The following PDE6C variants were observed in gnomAD, a reference collection of about 807,000 sequenced individuals.
PDE6C encodes phosphodiesterase 6C.
Under a neutral mutation model 113.1 loss-of-function variants are expected in PDE6C, and 75 were observed. That is an observed-to-expected ratio of 0.66 (90% CI 0.55 to 0.80). The LOEUF (loss-of-function observed/expected upper bound fraction) is 0.80, where lower values mean the gene tolerates loss of function less well. PDE6C is among the 30% of genes least tolerant of loss of function. The probability of loss-of-function intolerance (pLI) is 0.00; values close to 1 mark genes in which losing one functional copy is unlikely to be tolerated. For synonymous variants in PDE6C, 375 were observed against 363.7 expected, an observed-to-expected ratio of 1.03 and a Z score of -0.35; for missense variants, 912 against 1,038.6, an observed-to-expected ratio of 0.88 and a Z score of 1.67.
At chr10:93,614,599 G>A (rs2058411262) in intron 1 of PDE6C, among the ~76,000 whole-genome samples, 1 of 152,158 alleles carries the variant, frequency 6.6e-6, no homozygotes, top group African/African-American at 2.4e-5. Flanking sequence ...GCCCATCCCT[G>A]CTAGCACATC....
intron 15 of PDE6C, among the ~76,000 whole-genome samples, chr10:93,653,949 T>C (rs1228877636): frequency 6.6e-6 from 1 of 152,334 alleles, no homozygotes; most frequent in East Asian, 1.9e-4. Context: ...AAAACTTGAG[T>C]TCTTGTCCAA....
intron 1 of PDE6C, among the ~76,000 whole-genome samples, chr10:93,614,417 G>A (rs1564794399): frequency 1.3e-5 from 2 of 152,168 alleles, no homozygotes; most frequent in African/African-American, 2.4e-5. Context: ...CCTCCTTTCA[G>A]TAAGTTTAAG....
chr10:93,637,650 C>T (rs1341132948), intron 11 of PDE6C, among the ~76,000 whole-genome samples: 1 of 152,068 alleles, frequency 6.6e-6, no homozygotes, highest in Non-Finnish European at 1.5e-5. Context: ...ACATTTAATT[C>T]TTTTGTTAAG....
chr10:93,636,647 T>C (rs1416284317), intron 10 of PDE6C, among the ~76,000 whole-genome samples: 2 of 152,168 alleles, frequency 1.3e-5, no homozygotes, highest in African/African-American at 4.8e-5. Flanking sequence ...TTGGGGGAAT[T>C]TTAAAAATCA....
chr10:93,664,288 C>T (rs1258539010), intron 21 of PDE6C, among the ~76,000 whole-genome samples: 4 of 152,080 alleles, frequency 2.6e-5, no homozygotes, highest in Admixed American at 6.6e-5. Context: ...AGAATGCTTA[C>T]GCTAACCACA....
chr10:93,631,794 G>C (rs1320427868), intron 8 of PDE6C, among the ~76,000 whole-genome samples: 2 of 152,186 alleles, frequency 1.3e-5, no homozygotes, highest in Non-Finnish European at 2.9e-5. Flanking sequence ...GATATAAAAA[G>C]AACTGCCATC....
At chr10:93,658,195 AAAAG>A (rs1186301421) in intron 16 of PDE6C, among the ~76,000 whole-genome samples, 1 of 142,104 alleles carries the variant, frequency 7.0e-6, no homozygotes. Context: ...AAAAAAAAGA[AAAAG>A]AAAAAGAAAA....
chr10:93,646,074 T>C (rs1464100161), intron 15 of PDE6C, 27 bp downstream of exon 15: 3 of 1,280,188 alleles, frequency 2.3e-6, no homozygotes, highest in South Asian at 1.2e-5. Flanking sequence ...TTAGGACAGC[T>C]AAACACAAAT....
At chr10:93,631,862 T>G (rs1273702200) in intron 8 of PDE6C, among the ~76,000 whole-genome samples, 1 of 152,268 alleles carries the variant, frequency 6.6e-6, no homozygotes, top group Non-Finnish European at 1.5e-5. Context: ...GCATAATGGA[T>G]TCATTTCCTA....
intron 20 of PDE6C, 61 bp from the exon 21 acceptor site, chr10:93,662,967 T>C (rs1364365853): frequency 2.1e-6 from 3 of 1,420,550 alleles, no homozygotes; most frequent in African/African-American, 2.8e-5. Context: ...TCTCTGCATA[T>C]GAAAGATCCT....
At chr10:93,665,294 AT>A in intron 21 of PDE6C, 65 bp from the exon 22 acceptor site, 1 of 1,138,548 alleles carries the variant, frequency 8.8e-7, no homozygotes, top group Admixed American at 1.7e-5. Flanking sequence ...TATCATGGGA[AT>A]GTTAGAATAA....
intron 8 of PDE6C, among the ~76,000 whole-genome samples, chr10:93,631,676 C>A (rs533180053): frequency 6.6e-6 from 1 of 152,348 alleles, no homozygotes; most frequent in East Asian, 1.9e-4. Flanking sequence ...CCCAAACCAC[C>A]ACCCTCCTTT....
chr10:93,644,117 C>T (rs2134615554), intron 14 of PDE6C, among the ~76,000 whole-genome samples: 1 of 152,250 alleles, frequency 6.6e-6, no homozygotes, highest in Admixed American at 6.5e-5. Flanking sequence ...TTAATAAATT[C>T]AGACTAAACA....
intron 19 of PDE6C, among the ~76,000 whole-genome samples, 159 bp downstream of exon 19, chr10:93,662,292 G>A (rs796556543): frequency 2.0e-4 from 30 of 151,878 alleles, no homozygotes; most frequent in African/African-American, 6.5e-4. Context: ...GTGTAACCCC[G>A]TTTCTACTAA....
Position 93,654,810 on chromosome 10 carries a change from CTT to C in PDE6C, c.1936-936_1936-935del, listed in dbSNP as rs57025205. 1.7e-3 allele frequency among the ~76,000 whole-genome samples: 128 copies of C among 77,082 alleles called. 2 individuals are homozygous for C. The East Asian group carries it at 0.046, about 28-fold the overall frequency. The allele number at this position is 77,082 out of a possible 152,430, so 50.6% of individuals were successfully genotyped here. On this transcript the variant is annotated intron_variant, in intron 15 of 21. Transcript: ENST00000371447. ...TCTTTCTTTCTTTCTTTCTTTCTTT[CTT>C]TTTTTTTTTTTTTGAAACAGGGTCT...
chr10:93,661,019 A>G (rs2058663559), intron 18 of PDE6C, among the ~76,000 whole-genome samples: 1 of 152,112 alleles, frequency 6.6e-6, no homozygotes, highest in African/African-American at 2.4e-5. Context: ...TTTTCTCCCA[A>G]CAAAACTTGC....
At chr10:93,642,800 C>T (rs925206737) in intron 14 of PDE6C, among the ~76,000 whole-genome samples, 7 of 152,166 alleles carry the variant, frequency 4.6e-5, no homozygotes, top group African/African-American at 2.4e-5. Flanking sequence ...TTTCATTGAG[C>T]GAAAAGCACT....
At chr10:93,653,192 A>C (rs1254756998) in intron 15 of PDE6C, among the ~76,000 whole-genome samples, 1 of 152,196 alleles carries the variant, frequency 6.6e-6, no homozygotes, top group Non-Finnish European at 1.5e-5. Flanking sequence ...CCATTGTTCC[A>C]AAATCAGGGG....
At chr10:93,662,518 C>T (rs756788972) in intron 19 of PDE6C, 42 bp from the exon 20 acceptor site, 2 of 717,172 alleles carry the variant, frequency 2.8e-6, no homozygotes, top group Non-Finnish European at 5.0e-6. Flanking sequence ...TTTGTTCATA[C>T]ATCTTAGAAA....
Sources: allele counts gnomAD v4.1 joint callset (sites outside exome capture counted in the v4.1 genomes callset), GRCh38; gene constraint gnomAD v4.1.1; transcripts MANE v1.5; gene names NCBI Gene and HGNC (gene_info 2026-07-23, HGNC 2026-07-21).